The following DMD variants were observed in gnomAD, a reference collection of about 807,000 sequenced individuals.
DMD encodes the protein mutant dystrophin.
In DMD, 63 loss-of-function variants were observed where a neutral mutation model predicts 330.1. The ratio of observed to expected loss-of-function variants is 0.19; its 90% CI spans 0.16 to 0.24. The LOEUF (loss-of-function observed/expected upper bound fraction) is 0.24. Ranked by LOEUF, DMD falls within the 10% of genes least tolerant of loss-of-function variation. DMD has a pLI of 1.00. For synonymous variants in DMD, 1,223 were observed against 959.8 expected (o/e 1.27, Z -5.07); for missense variants, 3,344 against 2,684.1 (o/e 1.25, Z -5.43).
rs2063880654 is a variant in DMD, at chrX:32,699,055, A to C, written c.831+57T>G. 34 of 1,067,743 alleles carry C rather than the reference A, an allele frequency of 3.2e-5. No individual in the cohort carries two copies. The South Asian group carries it at 5.6e-4, about 18-fold the overall frequency. The allele number at this position is 1,067,743 out of a possible 1,213,427, so 88.0% of individuals were successfully genotyped here. A position where few individuals can be genotyped will look rare whatever the true frequency, so the allele number is the denominator to read the frequency against. On this transcript the variant is annotated intron_variant, in intron 8 of 78. Coordinates refer to ENST00000357033, the MANE Select transcript of DMD (RefSeq NM_004006.3). ...TATATATATGTGCACGTAATACCTA[A>C]AAATGCATATAAAACAGAAAACATC...
chrX:32,555,974 T>C (rs1368924191), intron 16 of DMD, among the ~76,000 whole-genome samples: 1 of 111,302 alleles, frequency 9.0e-6, no homozygotes, highest in Non-Finnish European at 1.9e-5. Flanking sequence ...ACAAAGGGGA[T>C]CTAATTAAAC....
At chrX:33,282,096 G>A (rs2053342584) in intron 1 of DMD, among the ~76,000 whole-genome samples, 1 of 110,791 alleles carries the variant, frequency 9.0e-6, no homozygotes, top group Admixed American at 9.7e-5. Flanking sequence ...GTGGTGGATA[G>A]CCTTACCAGT....
chrX:32,171,553 T>C (rs913203338), intron 44 of DMD, among the ~76,000 whole-genome samples: 2 of 111,864 alleles, frequency 1.8e-5, no homozygotes, highest in African/African-American at 6.5e-5. Context: ...AATTTAAACT[T>C]TGTTGAACTC....
intron 2 of DMD, among the ~76,000 whole-genome samples, chrX:32,974,710 C>G (rs1395169399): frequency 2.7e-5 from 3 of 111,384 alleles, no homozygotes; most frequent in Non-Finnish European, 3.8e-5. Context: ...CCGAGTGATT[C>G]AACAAGTTTT....
At chrX:33,040,614 G>C (rs1225011568) in intron 1 of DMD, among the ~76,000 whole-genome samples, 1 of 110,746 alleles carries the variant, frequency 9.0e-6, no homozygotes, top group African/African-American at 3.3e-5. Context: ...TGTTCTGAAG[G>C]TTGCTACAGC....
chrX:31,837,873 A>G (rs1427509373), intron 48 of DMD, among the ~76,000 whole-genome samples: 1 of 112,198 alleles, frequency 8.9e-6, no homozygotes, highest in Non-Finnish European at 1.9e-5. Context: ...GAGATAGACT[A>G]TTTTTTTCCA....
At position 32,140,548 on chromosome X, in the gene DMD, A is replaced by G. The variant is rs1022863907; in HGVS notation, c.6438+76368T>C. On this transcript the variant is annotated intron_variant, in intron 44 of 78. Transcript: ENST00000357033. ...AAGTCTATTAGACAAGTACTTTTCA[A>G]AATTATATAGGTTATTGTATTAGTC... Among the ~76,000 whole-genome samples, 9 of 112,245 alleles carry G rather than the reference A, an allele frequency of 8.0e-5. No individual in the cohort carries two copies. In the South Asian group the frequency reaches 3.3e-3, roughly 41 times the overall value.
At chrX:31,307,581 A>C (rs1480619288) in intron 62 of DMD, among the ~76,000 whole-genome samples, 2 of 107,252 alleles carry the variant, frequency 1.9e-5, no homozygotes, top group Non-Finnish European at 3.9e-5. Context: ...ATATCATGAG[A>C]TGATGTTTCT....
chrX:33,224,717 A>G (rs1008316387), intron 1 of DMD, among the ~76,000 whole-genome samples: 32 of 111,306 alleles, frequency 2.9e-4, no homozygotes, highest in African/African-American at 1.0e-3. Context: ...GAACCTATGG[A>G]TCTGAGTTAT....
intron 51 of DMD, among the ~76,000 whole-genome samples, chrX:31,730,635 T>C (rs1466353510): frequency 9.0e-6 from 1 of 111,601 alleles, no homozygotes; most frequent in South Asian, 3.7e-4. Flanking sequence ...AAGAAATTTA[T>C]GAAAAAAAGG....
chrX:32,212,389 T>C (rs1810591196), intron 44 of DMD, among the ~76,000 whole-genome samples: 1 of 112,108 alleles, frequency 8.9e-6, no homozygotes, highest in Non-Finnish European at 1.9e-5. Context: ...AGTGATTAGT[T>C]ATAATAGGGG....
At chrX:32,199,393 C>T (rs1470250839) in intron 44 of DMD, among the ~76,000 whole-genome samples, 1 of 111,175 alleles carries the variant, frequency 9.0e-6, no homozygotes, top group Non-Finnish European at 1.9e-5. Flanking sequence ...TTGTTTTCAC[C>T]TTTGAAATGA....
intron 44 of DMD, among the ~76,000 whole-genome samples, chrX:32,022,997 T>C (rs1312175680): frequency 9.1e-6 from 1 of 109,719 alleles, no homozygotes; most frequent in Non-Finnish European, 1.9e-5. Flanking sequence ...CACGCCCAGC[T>C]AATTTTACTA....
chrX:32,596,837 G>C (rs808537), intron 12 of DMD, among the ~76,000 whole-genome samples: 3 of 110,436 alleles, frequency 2.7e-5, no homozygotes, highest in East Asian at 5.7e-4. Flanking sequence ...GTGAGCCACT[G>C]TGCCTGGCCT....
intron 77 of DMD, among the ~76,000 whole-genome samples, chrX:31,129,095 T>C (rs2034137080): frequency 9.0e-6 from 1 of 111,328 alleles, no homozygotes; most frequent in African/African-American, 3.3e-5. Context: ...GGGGCAGTCC[T>C]GAGTCTAAAT....
chrX:31,315,737 T>C (rs1356803828), intron 62 of DMD, among the ~76,000 whole-genome samples: 1 of 112,341 alleles, frequency 8.9e-6, no homozygotes, highest in Non-Finnish European at 1.9e-5. Flanking sequence ...TGTATATATG[T>C]TGCCACCTTT....
chrX:31,443,076 A>C (rs1467848805), intron 60 of DMD, among the ~76,000 whole-genome samples: 1 of 111,765 alleles, frequency 8.9e-6, no homozygotes, highest in Non-Finnish European at 1.9e-5. Flanking sequence ...TTTCTTATTA[A>C]AAAGTTAAAA....
At chrX:32,128,680 C>A (rs895069939) in intron 44 of DMD, among the ~76,000 whole-genome samples, 2 of 111,847 alleles carry the variant, frequency 1.8e-5, no homozygotes, top group African/African-American at 6.5e-5. Context: ...GTGTCAAATT[C>A]AACATTTAGG....
intron 4 of DMD, among the ~76,000 whole-genome samples, chrX:32,823,785 C>T (rs998004296): frequency 7.2e-5 from 8 of 111,627 alleles, no homozygotes; most frequent in Admixed American, 9.6e-5. Flanking sequence ...TTTAGTAAAA[C>T]GCCTCTGTTT....
Sources: gnomAD v4.1 joint callset for allele counts (sites outside exome capture counted in the v4.1 genomes callset) on GRCh38, gnomAD v4.1.1 for gene constraint, MANE v1.5 for transcripts, NCBI Gene and HGNC (gene_info 2026-07-23, HGNC 2026-07-21) for gene names.